The following PPP1R13B variants were observed in gnomAD, a reference collection of about 807,000 sequenced individuals.
The protein encoded by PPP1R13B is protein phosphatase 1 regulatory subunit 13B, also known as apoptosis-stimulating of p53 protein 1.
In PPP1R13B, 44 loss-of-function variants were observed where a neutral mutation model predicts 119.8. The ratio of observed to expected loss-of-function variants is 0.37; its 90% CI spans 0.29 to 0.47. The LOEUF is 0.47. PPP1R13B is among the 20% of genes least tolerant of loss of function. PPP1R13B has a pLI of 0.99. For missense variants in PPP1R13B, 1,227 were observed against 1,413.5 expected (o/e 0.87, Z 2.12); for synonymous variants, 542 against 561.5 (o/e 0.97, Z 0.49).
intron 11 of PPP1R13B, among the ~76,000 whole-genome samples, chr14:103,741,587 G>T (rs1324289989): frequency 6.6e-6 from 1 of 152,208 alleles, no homozygotes; most frequent in Non-Finnish European, 1.5e-5. Context: ...AGAGAACTGT[G>T]AGCCATCTGC....
chr14:103,819,067 T>C lies in PPP1R13B; in HGVS notation c.10-21549A>G, dbSNP rs866296526. Among the ~76,000 whole-genome samples, 4 of 152,184 alleles carry C rather than the reference T, an allele frequency of 2.6e-5. No homozygotes were observed. In the South Asian group the frequency reaches 6.2e-4, roughly 24 times the overall value. On this transcript the variant is annotated intron_variant, in intron 1 of 16. Coordinates refer to ENST00000202556, the MANE Select transcript of PPP1R13B (RefSeq NM_015316.3). Reference sequence around the variant, plus strand: ...ATAATGACAGCTTGAAGGAAGACCATTCAGGCGAAGGGAACAAGTGCAAAG... The same window carrying C: ...ATAATGACAGCTTGAAGGAAGACCACTCAGGCGAAGGGAACAAGTGCAAAG...
intron 2 of PPP1R13B, among the ~76,000 whole-genome samples, chr14:103,790,296 G>A (rs528100691): frequency 1.3e-5 from 2 of 150,722 alleles, no homozygotes; most frequent in Non-Finnish European, 3.0e-5. Context: ...TTTTGTCCAT[G>A]AATGTTCACA....
intron 1 of PPP1R13B, among the ~76,000 whole-genome samples, chr14:103,816,436 C>T (rs916193256): frequency 6.6e-6 from 1 of 151,714 alleles, no homozygotes; most frequent in Admixed American, 6.6e-5. Context: ...CCTGTAATCC[C>T]AGCACTTTGG....
At position 103,742,025 on chromosome 14, in the gene PPP1R13B, C is replaced by T. The variant is rs1047264149; in HGVS notation, c.1587G>A (p.Thr529=). Reference sequence around the variant, plus strand: ...ATGCAGGTGGTCCCGCTGGCGGGTACGTGGGACTTGGCGGTACGGAAATCC... The same window carrying T: ...ATGCAGGTGGTCCCGCTGGCGGGTATGTGGGACTTGGCGGTACGGAAATCC... The part of the protein sequence containing the change: ...QQRISVPPSP[T]YPPAGPPAFP... The change falls in exon 11 of 17, where the codon ACG becomes ACA. Residue 529 remains threonine (T), a synonymous_variant. Transcript: ENST00000202556. The surrounding 1 kb of genome is among the most constrained non-coding windows in gnomAD (Gnocchi z 4.9). 11 of 1,614,108 alleles carry T rather than the reference C, an allele frequency of 6.8e-6. No homozygotes were observed. The highest frequency in any genetic ancestry group is 1.6e-4 in the Middle Eastern group (1 of 6,084).
chr14:103,788,858 T>C (rs1019389446), intron 2 of PPP1R13B, among the ~76,000 whole-genome samples: 20 of 152,278 alleles, frequency 1.3e-4, no homozygotes, highest in African/African-American at 3.6e-4. Flanking sequence ...CAAGCAGCCC[T>C]GTTAGCAATG....
At chr14:103,792,169 C>CGTGTGT (rs58782839) in intron 2 of PPP1R13B, among the ~76,000 whole-genome samples, 54,410 of 136,926 alleles carry the variant, frequency 0.4, 10,294 homozygotes, top group South Asian at 0.49. Flanking sequence ...CTCTATTCAT[C>CGTGTGT]GTGTGTGTGT....
intron 1 of PPP1R13B, among the ~76,000 whole-genome samples, chr14:103,817,916 A>T (rs2086317243): frequency 6.9e-6 from 1 of 144,310 alleles, no homozygotes; most frequent in Non-Finnish European, 1.5e-5. Flanking sequence ...TATGAACATT[A>T]AAAAAAAAAA....
intron 4 of PPP1R13B, among the ~76,000 whole-genome samples, chr14:103,777,541 C>T (rs1307653882): frequency 6.6e-6 from 1 of 152,078 alleles, no homozygotes; most frequent in Admixed American, 6.6e-5. Flanking sequence ...GCTGTGTTTA[C>T]GTGCACAGAG....
rs2151963499 is a variant in PPP1R13B, at chr14:103,739,838, G to A, written c.2578C>T (p.Pro860Ser). 1.2e-6 allele frequency: 2 copies of A among 1,608,368 alleles called. No individual in the cohort carries two copies. The highest frequency in any genetic ancestry group is 2.2e-5 in the East Asian group (1 of 44,752). ...PAPLPPASHP[P>S]ATSTNKRTNL... is the part of the protein sequence containing the mutation. ...ATGACACCCACCGTGGAGGTGGCAG[G>A]AGGGTGGCTGGCAGGGGGAAGAGGT... The change falls in exon 12 of 17, where the codon CCT becomes TCT. Residue 860 changes from proline (P) to serine (S), a missense_variant. Physicochemically the swap from Pro to Ser is moderately conservative, Grantham distance 74. Coordinates refer to ENST00000202556, the MANE Select transcript of PPP1R13B (RefSeq NM_015316.3).
intron 1 of PPP1R13B, among the ~76,000 whole-genome samples, chr14:103,798,296 C>T (rs1194261850): frequency 2.0e-5 from 3 of 151,712 alleles, no homozygotes; most frequent in Non-Finnish European, 2.9e-5. Context: ...GGACTACAGG[C>T]GCCCGCCACC....
rs2087078540 is a variant in PPP1R13B, at chr14:103,847,426, G to A, written c.-119C>T. ...CTCCCGCCGCCGTGCTCTCCGGCCC[G>A]GCCGCGGCGAGGCGGCAGCTGCGGC... On this transcript the variant is annotated 5_prime_UTR_variant, in exon 1 of 17. Transcript: ENST00000202556. 49 of 1,020,734 alleles carry A rather than the reference G, an allele frequency of 4.8e-5. No individual in the cohort carries two copies. Among genetic ancestry groups the A allele is most frequent in the Non-Finnish European group, 5.5e-5 (47 of 854,446 alleles). The allele number at this position is 1,020,734 out of a possible 1,614,324, so 63.2% of individuals were successfully genotyped here. A position where few individuals can be genotyped will look rare whatever the true frequency, so the allele number is the denominator to read the frequency against.
At chr14:103,831,938 A>G (rs2086672923) in intron 1 of PPP1R13B, among the ~76,000 whole-genome samples, 1 of 151,810 alleles carries the variant, frequency 6.6e-6, no homozygotes, top group Non-Finnish European at 1.5e-5. Context: ...TCCATCACAA[A>G]AAAAAACAAC....
intron 1 of PPP1R13B, among the ~76,000 whole-genome samples, chr14:103,843,939 A>G (rs1361735649): frequency 2.0e-5 from 3 of 146,432 alleles, no homozygotes; most frequent in Non-Finnish European, 3.0e-5. Context: ...GCGACAGAGC[A>G]AGACTCCGTC....
At chr14:103,759,703 C>A (rs1417435893) in intron 4 of PPP1R13B, among the ~76,000 whole-genome samples, 3 of 151,340 alleles carry the variant, frequency 2.0e-5, no homozygotes, top group Non-Finnish European at 4.4e-5. Context: ...AAAAAAAAAT[C>A]AAAAACTACC....
chr14:103,753,875 A>T (rs377534305), intron 6 of PPP1R13B, among the ~76,000 whole-genome samples, 195 bp downstream of exon 6: 4 of 152,134 alleles, frequency 2.6e-5, no homozygotes, highest in East Asian at 3.9e-4. Context: ...CCTCTCAAGT[A>T]GCTGGGACTA....
chr14:103,776,463 G>C (rs1416836691), intron 4 of PPP1R13B, among the ~76,000 whole-genome samples: 1 of 152,156 alleles, frequency 6.6e-6, no homozygotes, highest in East Asian at 1.9e-4. Context: ...GGCTAAACAT[G>C]GGCCAGTCAC....
In PPP1R13B at chr14:103,740,520, G is replaced by A. The variant is rs1378928092; in HGVS notation, c.1896C>T (p.Ser632=). ...SPLPFLHGSL[S]TGTPQPQPPS... is the part of the protein sequence containing the mutation. ...GTGGCTGAGGCTGTGGTGTGCCCGT[G>A]GACAGTGACCCGTGAAGAAACGGCA... The change falls in exon 12 of 17, where the codon TCC becomes TCT. Residue 632 remains serine, a synonymous_variant. Transcript: ENST00000202556. This position sits in a 1 kb window ranked among gnomAD's most constrained non-coding sequence, Gnocchi z 4.6. The A allele has an allele frequency of 6.3e-7, 1 of 1,596,208 alleles. No individual in the cohort carries two copies. Among genetic ancestry groups the A allele is most frequent in the Non-Finnish European group, 8.6e-7 (1 of 1,168,936 alleles).
chr14:103,748,066 T>TACACACACACACAC (rs58398068), intron 8 of PPP1R13B, among the ~76,000 whole-genome samples: 2 of 138,134 alleles, frequency 1.4e-5, no homozygotes, highest in African/African-American at 5.2e-5. Context: ...TTAAATCACA[T>TACACACACACACAC]ACACACACAC....
At chr14:103,747,917 A>G (rs759259652) in intron 8 of PPP1R13B, among the ~76,000 whole-genome samples, 2 of 152,204 alleles carry the variant, frequency 1.3e-5, no homozygotes, top group Non-Finnish European at 2.9e-5. Context: ...AGAAACAGAG[A>G]GACGCCCTGA....
Sources: gnomAD v4.1 joint callset for allele counts (sites outside exome capture counted in the v4.1 genomes callset) on GRCh38, gnomAD v4.1.1 for gene constraint, Gnocchi (gnomAD v3.1) non-coding constraint, MANE v1.5 for transcripts, NCBI Gene and HGNC (gene_info 2026-07-23, HGNC 2026-07-21) for gene names.